The following NBPF26 variants were observed in gnomAD, a reference collection of about 807,000 sequenced individuals.
NBPF26 encodes NBPF family member NBPF26.
A neutral mutation model predicts 119.6 loss-of-function variants in NBPF26; 79 were observed. The ratio of observed to expected loss-of-function variants is 0.66; its 90% CI spans 0.55 to 0.80. The LOEUF (loss-of-function observed/expected upper bound fraction) is 0.80, where lower values mean the gene tolerates loss of function less well. Among genes scored for constraint, NBPF26 ranks in the 30% least tolerant of loss-of-function variants. The probability of loss-of-function intolerance (pLI) is 0.00; values close to 1 mark genes in which losing one functional copy is unlikely to be tolerated. For missense variants in NBPF26, 800 were observed against 1,198.2 expected (o/e 0.67, Z 4.91); for synonymous variants, 299 against 457.7 (o/e 0.65, Z 4.43).
chr1:120,804,681 T>A (rs1184405764), intron 4 of NBPF26, among the ~76,000 whole-genome samples: 1 of 119,100 alleles, frequency 8.4e-6, no homozygotes, highest in African/African-American at 4.6e-5. Flanking sequence ...CTCAGTGACA[T>A]TAAAAAACAC....
At chr1:120,728,056 T>C (rs1650835021) in intron 1 of NBPF26, among the ~76,000 whole-genome samples, 1 of 118,780 alleles carries the variant, frequency 8.4e-6, no homozygotes, top group Non-Finnish European at 1.6e-5. Flanking sequence ...TCCTTTCTTC[T>C]GGTGTCCAGT....
At chr1:120,776,053 G>A (rs1211318716) in intron 2 of NBPF26, among the ~76,000 whole-genome samples, 1 of 111,694 alleles carries the variant, frequency 9.0e-6, no homozygotes, top group Non-Finnish European at 1.7e-5. Flanking sequence ...GTATTTATAG[G>A]GTCTTTTTAA....
chr1:120,765,174 A>T (rs1435266970), intron 2 of NBPF26, among the ~76,000 whole-genome samples: 1 of 121,350 alleles, frequency 8.2e-6, no homozygotes, highest in Non-Finnish European at 1.6e-5. Context: ...GGAAAAAAAA[A>T]ACATGTGGTG....
chr1:120,814,815 C>A lies in NBPF26; in HGVS notation c.1878-14C>A, dbSNP rs1453626612. Reference sequence around the variant, plus strand: ...CCTTTCTACTCTTAAATTTTCTCTACCGTCTCACCTTAGGCAATATAAAGT... The same window carrying A: ...CCTTTCTACTCTTAAATTTTCTCTAACGTCTCACCTTAGGCAATATAAAGT... On this transcript the variant is annotated splice_polypyrimidine_tract_variant and intron_variant, in intron 11 of 29. Transcript: ENST00000620612. The A allele has an allele frequency of 4.9e-5, 61 of 1,248,848 alleles. 11 individuals are homozygous for A. Among genetic ancestry groups the A allele is most frequent in the Middle Eastern group, 5.2e-4 (2 of 3,828 alleles). 77.4% of individuals were successfully genotyped at this position (1,248,848 alleles called of 1,614,324 possible).
chr1:120,780,058 G>A (rs1270376771), intron 2 of NBPF26, among the ~76,000 whole-genome samples: 1 of 130,854 alleles, frequency 7.6e-6, no homozygotes, highest in African/African-American at 3.3e-5. Flanking sequence ...GATGGATTTT[G>A]TGGAACATTT....
At position 120,814,722 on chromosome 1, in the gene NBPF26, G is replaced by C; in HGVS notation, c.1878-107G>C. On this transcript the variant is annotated intron_variant, in intron 11 of 29. Coordinates refer to ENST00000620612, the Ensembl canonical transcript of NBPF26. ...TCCTTTAAACATGTGCTGACCTTCT[G>C]CTTCGAGGTCTCCTTGAGGACATTG... The C allele has an allele frequency of 7.8e-6, 5 of 644,872 alleles. 1 individual carries two copies. Among genetic ancestry groups the C allele is most frequent in the Non-Finnish European group, 1.4e-5 (5 of 360,748 alleles). 39.9% of individuals were successfully genotyped at this position (644,872 alleles called of 1,614,324 possible).
chr1:120,812,826 G>A (rs1479522101), intron 10 of NBPF26, among the ~76,000 whole-genome samples: 17 of 103,924 alleles, frequency 1.6e-4, no homozygotes, highest in African/African-American at 9.0e-4. Flanking sequence ...AGGAGGCTGA[G>A]GCAGGAGAAT....
chr1:120,791,475 G>A (rs1213240028), intron 3 of NBPF26, among the ~76,000 whole-genome samples: 1 of 96,500 alleles, frequency 1.0e-5, no homozygotes, highest in Non-Finnish European at 1.9e-5. Context: ...CCATAAAAAA[G>A]GATGAGTTCA....
intron 2 of NBPF26, among the ~76,000 whole-genome samples, chr1:120,777,866 C>A (rs1651315980): frequency 9.2e-6 from 1 of 108,824 alleles, no homozygotes; most frequent in African/African-American, 5.7e-5. Flanking sequence ...GCCCATCAGA[C>A]CTCAGCCAGG....
chr1:120,785,139 T>C lies in NBPF26; in HGVS notation c.321T>C (p.His107=). The change falls in exon 3 of 30, where the codon CAT becomes CAC. Residue 107 remains histidine, a synonymous_variant. Transcript: ENST00000620612. The stretch of plus-strand genomic sequence containing the variant: ...AGGACTGCCAGTACTCGACACCTCA[T>C]CCATGCTTTGTGTCTCGACCTTGCC... 1.2e-5 allele frequency: 18 copies of C among 1,446,640 alleles called. 2 individuals are homozygous for C. The highest frequency in any genetic ancestry group is 1.7e-5 in the Non-Finnish European group (18 of 1,082,424). 89.6% of individuals were successfully genotyped at this position (1,446,640 alleles called of 1,614,324 possible).
At position 120,805,440 on chromosome 1, in the gene NBPF26, C is replaced by T; in HGVS notation, c.752-116C>T. 3 of 1,357,760 alleles carry T rather than the reference C, an allele frequency of 2.2e-6. 1 individual carries two copies. The allele number at this position is 1,357,760 out of a possible 1,614,324, so 84.1% of individuals were successfully genotyped here. ...CCTAAAGTGCTGTGGGGAGTGATCA[C>T]ATTTTTCACAACAGTAAGGTAAGAA... On this transcript the variant is annotated intron_variant, in intron 4 of 29. Coordinates refer to ENST00000620612, the Ensembl canonical transcript of NBPF26.
rs1330388090 is a variant in NBPF26 at position 120,814,845 on chromosome 1, G to C, written c.1894G>C (p.Val632Leu). 83 of 1,265,352 alleles carry C rather than the reference G, an allele frequency of 6.6e-5. 7 individuals carry two copies. Among genetic ancestry groups the C allele is most frequent in the Non-Finnish European group, 8.9e-5 (80 of 903,692 alleles). The allele number at this position is 1,265,352 out of a possible 1,614,324, so 78.4% of individuals were successfully genotyped here. Residue 632 changes from valine (V) to leucine (L), a missense_variant, in exon 12 of 30, where the codon GTT becomes CTT. By Grantham distance (32) the Val-to-Leu change is conservative. Around this residue, in one of 13 missense-constraint regions of NBPF26, gnomAD observed 22 missense variants for 33.0 expected, o/e 0.67. Coordinates refer to ENST00000620612, the Ensembl canonical transcript of NBPF26. ...TCACCTTAGGCAATATAAAGTCCTGGTTCACGCTCAGGAACGAGAGCTGAC... is the reference window on the plus strand; with the variant it reads ...TCACCTTAGGCAATATAAAGTCCTGCTTCACGCTCAGGAACGAGAGCTGAC...
rs878887050 is a variant in NBPF26 at position 120,793,586 on chromosome 1, G to T, written c.751+90G>T. 1.3e-5 allele frequency: 13 copies of T among 1,009,620 alleles called. 3 individuals carry two copies. Among genetic ancestry groups the T allele is most frequent in the African/African-American group, 6.6e-5 (2 of 30,280 alleles). 62.5% of individuals were successfully genotyped at this position (1,009,620 alleles called of 1,614,324 possible). On this transcript the variant is annotated intron_variant, in intron 4 of 29. Coordinates refer to ENST00000620612, the Ensembl canonical transcript of NBPF26. Reference sequence around the variant, plus strand: ...GGCTCAATTGCATTTTTTAGGAAGCGCAAGGAAAAAGGGAAGTGAGAATTT... The same window carrying T: ...GGCTCAATTGCATTTTTTAGGAAGCTCAAGGAAAAAGGGAAGTGAGAATTT...
rs1651485178 is a variant in NBPF26, at chr1:120,790,832, A to T, written c.416-2329A>T. On this transcript the variant is annotated intron_variant, in intron 3 of 29. Coordinates refer to ENST00000620612, the Ensembl canonical transcript of NBPF26. ...CCAGGCTGGTCTCAAACTCCTAACC[A>T]CAAGTGATCTGCCCACCTCAGCCTC... Among the ~76,000 whole-genome samples, 4 of 101,530 alleles carry T rather than the reference A, an allele frequency of 3.9e-5. 1 individual carries two copies. The allele number at this position is 101,530 out of a possible 152,430, so 66.6% of individuals were successfully genotyped here.
Position 120,784,294 on chromosome 1 carries a change from T to G in NBPF26, c.156-680T>G, listed in dbSNP as rs1651398296. 1.7e-5 allele frequency among the ~76,000 whole-genome samples: 2 copies of G among 118,004 alleles called. 1 individual carries two copies. Among genetic ancestry groups the G allele is most frequent in the Non-Finnish European group, 3.3e-5 (2 of 61,358 alleles). The allele number at this position is 118,004 out of a possible 152,430, so 77.4% of individuals were successfully genotyped here. On this transcript the variant is annotated intron_variant, in intron 2 of 29. Coordinates refer to ENST00000620612, the Ensembl canonical transcript of NBPF26. ...CGGCTTTAGGAGAGTAAGTCTGTTG[T>G]ACCTCATATGTAAGTATTATCCCAT...
chr1:120,728,851 C>T (rs1650844900), intron 1 of NBPF26, among the ~76,000 whole-genome samples: 1 of 110,056 alleles, frequency 9.1e-6, no homozygotes, highest in Non-Finnish European at 1.7e-5. Flanking sequence ...CCTGAACACC[C>T]TACTGACAAA....
Position 120,756,461 on chromosome 1 carries a change from C to T in NBPF26, c.74-7167C>T, listed in dbSNP as rs1374803572. Among the ~76,000 whole-genome samples the T allele has an allele frequency of 5.1e-5, 6 of 117,384 alleles. 2 individuals carry two copies. The highest frequency in any genetic ancestry group is 9.8e-5 in the Non-Finnish European group (6 of 61,188). 77.0% of individuals were successfully genotyped at this position (117,384 alleles called of 152,430 possible). A position where few individuals can be genotyped will look rare whatever the true frequency, so the allele number is the denominator to read the frequency against. On this transcript the variant is annotated intron_variant, in intron 1 of 29. Coordinates refer to ENST00000620612, the Ensembl canonical transcript of NBPF26. ...GACGTTAAAATACCTTCCGATTGAG[C>T]AGTGGGTCTAAGCACAGATACCACA...
chr1:120,779,895 C>A (rs1260130324), intron 2 of NBPF26, among the ~76,000 whole-genome samples: 1 of 119,890 alleles, frequency 8.3e-6, no homozygotes, highest in Non-Finnish European at 1.7e-5. Flanking sequence ...AAACAAGGGT[C>A]TGTTATTTCT....
chr1:120,808,211 A>G (rs2101497251), intron 6 of NBPF26, among the ~76,000 whole-genome samples: 2 of 118,222 alleles, frequency 1.7e-5, no homozygotes. Flanking sequence ...AAGATGCACT[A>G]TGTGTATTTT....
Sources: gnomAD v4.1 joint callset for allele counts (sites outside exome capture counted in the v4.1 genomes callset) on GRCh38, gnomAD v4.1.1 for gene constraint, gnomAD v4.1.1 regional missense constraint, MANE v1.5 for transcripts, NCBI Gene and HGNC (gene_info 2026-07-23, HGNC 2026-07-21) for gene names.